KHDRBS2: variants seen among roughly 807,000 people sequenced by gnomAD.
KHDRBS2 encodes KH domain-containing, RNA-binding, signal transduction-associated protein 2.
Under a neutral mutation model 44.3 loss-of-function variants are expected in KHDRBS2, and 26 were observed. The ratio of observed to expected loss-of-function variants is 0.59; its 90% CI spans 0.43 to 0.81. The LOEUF (loss-of-function observed/expected upper bound fraction) is 0.81, where lower values mean the gene tolerates loss of function less well. Among genes scored for constraint, KHDRBS2 ranks in the 40% least tolerant of loss-of-function variants. The pLI is 0.00. For synonymous variants in KHDRBS2, 194 were observed against 151.1 expected, an observed-to-expected ratio of 1.28 and a Z score of -2.08; for missense variants, 476 against 433.1, an observed-to-expected ratio of 1.10 and a Z score of -0.88.
rs184706891 is a variant in KHDRBS2, at chr6:62,038,867, C to A, written c.336+9011G>T. On this transcript the variant is annotated intron_variant, in intron 3 of 8. Coordinates refer to ENST00000281156, the MANE Select transcript of KHDRBS2 (RefSeq NM_152688.4). ...AAGATTTTTCTAAGAGATTAAATAT[C>A]CTTATTATTTTGCTTTTTCAATAAC... Among the ~76,000 whole-genome samples the A allele has an allele frequency of 2.2e-3, 337 of 152,116 alleles. 2 individuals carry two copies. Among genetic ancestry groups the A allele is most frequent in the African/African-American group, 7.9e-3 (327 of 41,528 alleles).
At chr6:62,131,004 T>C (rs1180644853) in intron 2 of KHDRBS2, among the ~76,000 whole-genome samples, 1 of 152,058 alleles carries the variant, frequency 6.6e-6, no homozygotes, top group Non-Finnish European at 1.5e-5. Flanking sequence ...ATAATTATTA[T>C]AATAATGCTA....
chr6:62,094,440 T>C (rs534734459), intron 2 of KHDRBS2, among the ~76,000 whole-genome samples: 23 of 152,110 alleles, frequency 1.5e-4, no homozygotes, highest in South Asian at 1.2e-3. Context: ...TATTAATCCC[T>C]TATCAAACAT....
chr6:62,097,941 T>C (rs1432611535), intron 2 of KHDRBS2, among the ~76,000 whole-genome samples: 1 of 152,088 alleles, frequency 6.6e-6, no homozygotes, highest in Non-Finnish European at 1.5e-5. Flanking sequence ...ATCTTGGATT[T>C]ATAACAAGTT....
At chr6:62,220,730 G>A (rs1411642807) in intron 1 of KHDRBS2, among the ~76,000 whole-genome samples, 1 of 151,522 alleles carries the variant, frequency 6.6e-6, no homozygotes, top group Non-Finnish European at 1.5e-5. Context: ...ATAAAATATT[G>A]AAATAATCAA....
intron 3 of KHDRBS2, among the ~76,000 whole-genome samples, chr6:62,013,585 CTATTAT>C (rs1780689913): frequency 6.6e-6 from 1 of 151,878 alleles, no homozygotes; most frequent in African/African-American, 2.4e-5. Context: ...ATTTAAATTA[CTATTAT>C]TACATTATTA....
At chr6:61,973,013 G>A (rs1771755908) in intron 4 of KHDRBS2, among the ~76,000 whole-genome samples, 2 of 152,088 alleles carry the variant, frequency 1.3e-5, no homozygotes, top group Non-Finnish European at 1.5e-5. Context: ...GTGTGTGGTG[G>A]CATGCACCTG....
chr6:62,093,832 T>TA (rs1205758186), intron 2 of KHDRBS2, among the ~76,000 whole-genome samples: 1 of 150,118 alleles, frequency 6.7e-6, no homozygotes, highest in African/African-American at 2.4e-5. Flanking sequence ...CATTCTTTGT[T>TA]ATGGTGAATA....
the KHDRBS2 span, among the ~76,000 whole-genome samples, chr6:61,572,412 A>G: frequency 6.6e-6 from 1 of 152,174 alleles, no homozygotes; most frequent in Admixed American, 6.5e-5. Context: ...ATCAGTACCA[A>G]TCTTACTGAA....
chr6:61,865,849 T>G (rs1797706769), intron 6 of KHDRBS2, among the ~76,000 whole-genome samples: 1 of 152,182 alleles, frequency 6.6e-6, no homozygotes, highest in Non-Finnish European at 1.5e-5. Context: ...AGTCTAATCT[T>G]AAAGCTCCAA....
chr6:61,707,459 C>A (rs779233037), intron 7 of KHDRBS2, among the ~76,000 whole-genome samples: 1 of 151,736 alleles, frequency 6.6e-6, no homozygotes, highest in Non-Finnish European at 1.5e-5. Context: ...ATCAAAGTGG[C>A]ATGACTGTTT....
rs142262653 is a variant in KHDRBS2, at chr6:62,138,490, A to C, written c.219+38695T>G. On this transcript the variant is annotated intron_variant, in intron 2 of 8. Coordinates refer to ENST00000281156, the MANE Select transcript of KHDRBS2 (RefSeq NM_152688.4). Reference sequence around the variant, plus strand: ...CTAAATTTCTACTCGAGAAAAATTTAACTAAAAATGTTGTCTTTTATTTCT... The same window carrying C: ...CTAAATTTCTACTCGAGAAAAATTTCACTAAAAATGTTGTCTTTTATTTCT... Among the ~76,000 whole-genome samples the C allele has an allele frequency of 2.0e-3, 304 of 152,374 alleles. 1 individual carries two copies. The highest frequency in any genetic ancestry group is 4.6e-3 in the South Asian group (22 of 4,834).
chr6:61,693,413 C>A (rs1767578390), intron 8 of KHDRBS2, among the ~76,000 whole-genome samples: 1 of 152,060 alleles, frequency 6.6e-6, no homozygotes, highest in Non-Finnish European at 1.5e-5. Context: ...TTACTTTGTC[C>A]TTGCTCTATT....
At chr6:61,800,638 G>T (rs182680292) in intron 6 of KHDRBS2, among the ~76,000 whole-genome samples, 1 of 152,136 alleles carries the variant, frequency 6.6e-6, no homozygotes, top group East Asian at 1.9e-4. Context: ...CTGAATCTAT[G>T]TCCTTCTCCA....
chr6:62,228,518 C>T (rs1378951216), intron 1 of KHDRBS2, among the ~76,000 whole-genome samples: 1 of 152,106 alleles, frequency 6.6e-6, no homozygotes, highest in Non-Finnish European at 1.5e-5. Flanking sequence ...TTTCATGTCT[C>T]TGTCTCCTTC....
intron 6 of KHDRBS2, among the ~76,000 whole-genome samples, chr6:61,819,864 G>T (rs1789606229): frequency 6.6e-6 from 1 of 151,982 alleles, no homozygotes; most frequent in East Asian, 1.9e-4. Context: ...GCCAAGAGCT[G>T]GGAACAAGCA....
intron 2 of KHDRBS2, among the ~76,000 whole-genome samples, chr6:62,074,441 G>A (rs1584531410): frequency 6.6e-6 from 1 of 151,716 alleles, no homozygotes; most frequent in Admixed American, 6.6e-5. Context: ...TGGTTTTGAT[G>A]GCTTTCCAAA....
chr6:62,262,158 A>AT (rs910133558), intron 1 of KHDRBS2, among the ~76,000 whole-genome samples: 3 of 151,464 alleles, frequency 2.0e-5, no homozygotes, highest in Non-Finnish European at 4.4e-5. Context: ...CTCTCAGTTC[A>AT]TTTTTTTCCA....
intron 2 of KHDRBS2, among the ~76,000 whole-genome samples, chr6:62,061,355 T>G (rs897933641): frequency 3.3e-5 from 5 of 151,828 alleles, no homozygotes; most frequent in Non-Finnish European, 7.4e-5. Flanking sequence ...AGGAGCTCTT[T>G]TAGGGCAGGC....
the KHDRBS2 span, among the ~76,000 whole-genome samples, chr6:61,661,703 C>G: frequency 6.6e-6 from 1 of 151,836 alleles, no homozygotes; most frequent in Admixed American, 6.6e-5. Flanking sequence ...ACATGAAGGA[C>G]CTCTTCAAGG....
Sources: gnomAD v4.1 joint callset for allele counts (sites outside exome capture counted in the v4.1 genomes callset) on GRCh38, gnomAD v4.1.1 for gene constraint, MANE v1.5 for transcripts, NCBI Gene and HGNC (gene_info 2026-07-23, HGNC 2026-07-21) for gene names.